Variants in SLC14A1 observed in about 807,000 individuals in gnomAD.
SLC14A1 encodes urea transporter 1.
SLC14A1 carries 36 observed loss-of-function variants against 39.6 expected under a neutral mutation model. That is an observed-to-expected ratio of 0.91 (90% CI 0.70 to 1.20). The LOEUF is 1.20. SLC14A1 is among the 50% of genes most tolerant of loss of function. The pLI is 0.00. For synonymous variants in SLC14A1, 164 were observed against 173.6 expected (o/e 0.94, Z 0.43); for missense variants, 469 against 478.7 (o/e 0.98, Z 0.19).
intron 6 of SLC14A1, among the ~76,000 whole-genome samples, chr18:45,738,118 A>G (rs2047251680): frequency 6.6e-6 from 1 of 152,220 alleles, no homozygotes; most frequent in South Asian, 2.1e-4. Context: ...GGTAGAGTCA[A>G]ACTCACACTA....
Position 45,750,984 on chromosome 18 carries a change from T to A in SLC14A1, c.*1033T>A, listed in dbSNP as rs1027535296. 1.0e-6 allele frequency: 1 copy of A among 985,046 alleles called. No homozygotes were observed. The highest frequency in any genetic ancestry group is 6.1e-5 in the Admixed American group (1 of 16,266). 61.0% of individuals were successfully genotyped at this position (985,046 alleles called of 1,614,324 possible). ...GTTGAATTCCTTAATTTAAAAAAGCTCATTATTTTTTGCACACTCACAATA... is the reference window on the plus strand; with the variant it reads ...GTTGAATTCCTTAATTTAAAAAAGCACATTATTTTTTGCACACTCACAATA... On this transcript the variant is annotated 3_prime_UTR_variant, in exon 10 of 10. Coordinates refer to ENST00000321925, the MANE Select transcript of SLC14A1 (RefSeq NM_015865.7).
chr18:45,750,062 T>A lies in SLC14A1; in HGVS notation c.*111T>A, dbSNP rs189473094. 527 of 1,604,146 alleles carry A rather than the reference T, an allele frequency of 3.3e-4. No homozygotes were observed. In the African/African-American group the frequency reaches 6.4e-3, roughly 19 times the overall value. ...TTTTCACGAGTATCAACTTTCATAC[T>A]GACGCGTCTGTAATCTGTTCTTATG... On this transcript the variant is annotated 3_prime_UTR_variant, in exon 10 of 10. Transcript: ENST00000321925.
At chr18:45,736,728 C>T (rs1033341805) in intron 6 of SLC14A1, 80 bp downstream of exon 6, 50 of 1,240,872 alleles carry the variant, frequency 4.0e-5, no homozygotes, top group Non-Finnish European at 5.2e-5. Flanking sequence ...CCACGGGTGT[C>T]AGAGTCTCCT....
rs1009010649 is a variant in SLC14A1, at chr18:45,750,905, T to C, written c.*954T>C. On this transcript the variant is annotated 3_prime_UTR_variant, in exon 10 of 10. Coordinates refer to ENST00000321925, the MANE Select transcript of SLC14A1 (RefSeq NM_015865.7). ...ATTTTTTATTCATTTGAGGATGTCTTATAAAGACTGAAGGCAAAGGTCAGA... is the reference window on the plus strand; with the variant it reads ...ATTTTTTATTCATTTGAGGATGTCTCATAAAGACTGAAGGCAAAGGTCAGA... The C allele has an allele frequency of 2.0e-6, 2 of 985,108 alleles. No individual in the cohort carries two copies. Among genetic ancestry groups the C allele is most frequent in the East Asian group, 1.1e-4 (1 of 8,832 alleles). The allele number at this position is 985,108 out of a possible 1,614,324, so 61.0% of individuals were successfully genotyped here. A position where few individuals can be genotyped will look rare whatever the true frequency, so the allele number is the denominator to read the frequency against.
chr18:45,742,741 G>A (rs28897970), intron 8 of SLC14A1, among the ~76,000 whole-genome samples: 4,814 of 151,314 alleles, frequency 0.032, 256 homozygotes, highest in African/African-American at 0.11. Flanking sequence ...GCAGTGGCAC[G>A]ATCTCAGCTC....
intron 8 of SLC14A1, among the ~76,000 whole-genome samples, chr18:45,743,216 T>G (rs939105995): frequency 6.6e-6 from 1 of 152,230 alleles, no homozygotes; most frequent in Non-Finnish European, 1.5e-5. Flanking sequence ...TAAGGATCCT[T>G]GTGATTACAT....
intron 2 of SLC14A1, among the ~76,000 whole-genome samples, chr18:45,727,973 G>A (rs1431371260): frequency 6.6e-6 from 1 of 152,186 alleles, no homozygotes; most frequent in Non-Finnish European, 1.5e-5. Flanking sequence ...CAGCTGTTCA[G>A]AATAAATGGT....
chr18:45,748,669 G>A (rs2282616), intron 9 of SLC14A1, among the ~76,000 whole-genome samples: 93,282 of 152,064 alleles, frequency 0.61, 29,318 homozygotes, highest in East Asian at 0.93. Flanking sequence ...AAAATGAAAC[G>A]TAGGTTGTAT....
chr18:45,742,799 TC>T (rs2047424796), intron 8 of SLC14A1, among the ~76,000 whole-genome samples: 1 of 149,172 alleles, frequency 6.7e-6, no homozygotes, highest in African/African-American at 2.6e-5. Context: ...TTCTTCTGCC[TC>T]AGCCTCCCCA....
intron 2 of SLC14A1, chr18:45,729,770 C>A (rs1435961254): frequency 6.6e-6 from 1 of 152,180 alleles, no homozygotes; most frequent in Non-Finnish European, 1.5e-5. Flanking sequence ...AAATTTCTTC[C>A]CTTTCAATCT....
At chr18:45,740,136 G>A (rs531526462) in intron 8 of SLC14A1, among the ~76,000 whole-genome samples, 1 of 152,340 alleles carries the variant, frequency 6.6e-6, no homozygotes, top group Non-Finnish European at 1.5e-5. Context: ...TCCCACTGGG[G>A]ATGGCAAGGA....
At chr18:45,746,436 G>C (rs747532667) in intron 8 of SLC14A1, among the ~76,000 whole-genome samples, 1 of 152,166 alleles carries the variant, frequency 6.6e-6, no homozygotes, top group Non-Finnish European at 1.5e-5. Context: ...CTTTGAATTG[G>C]AGATCACTTC....
intron 8 of SLC14A1, among the ~76,000 whole-genome samples, chr18:45,744,468 C>G (rs1416135266): frequency 6.6e-6 from 1 of 152,088 alleles, no homozygotes; most frequent in African/African-American, 2.4e-5. Flanking sequence ...GAAAGTTGTC[C>G]TCAAAGACTA....
intron 2 of SLC14A1, among the ~76,000 whole-genome samples, chr18:45,726,457 TTC>T (rs2046864981): frequency 6.6e-6 from 1 of 152,190 alleles, no homozygotes. Flanking sequence ...ATTTGTGGAA[TTC>T]AACTAAAAAC....
chr18:45,733,050 C>A (rs1439046888), intron 4 of SLC14A1, among the ~76,000 whole-genome samples: 2 of 152,192 alleles, frequency 1.3e-5, no homozygotes, highest in Non-Finnish European at 2.9e-5. Context: ...GAGCTAAACA[C>A]TGGGTAAACA....
chr18:45,732,280 A>G (rs1350678462), intron 4 of SLC14A1, among the ~76,000 whole-genome samples: 1 of 152,228 alleles, frequency 6.6e-6, no homozygotes, highest in African/African-American at 2.4e-5. Flanking sequence ...TTAAGTAAAT[A>G]TATGTCTTCC....
Position 45,751,799 on chromosome 18 carries a change from A to C in SLC14A1, c.*1848A>C. 2.3e-6 allele frequency: 2 copies of C among 854,592 alleles called. No individual in the cohort carries two copies. The highest frequency in any genetic ancestry group is 2.8e-6 in the Non-Finnish European group (2 of 711,418). 52.9% of individuals were successfully genotyped at this position (854,592 alleles called of 1,614,324 possible). A position where few individuals can be genotyped will look rare whatever the true frequency, so the allele number is the denominator to read the frequency against. On this transcript the variant is annotated 3_prime_UTR_variant, in exon 10 of 10. Transcript: ENST00000321925. ...CCTATCTCAAAAAAATTAATTAATT[A>C]ATTAATTAATTAATTTAAAAAGGAA... is the stretch of plus-strand genomic sequence containing the variant.
Position 45,751,781 on chromosome 18 carries a change from C to G in SLC14A1, c.*1830C>G, listed in dbSNP as rs2047716965. 1 of 820,862 alleles carries G rather than the reference C, an allele frequency of 1.2e-6. No individual in the cohort carries two copies. Among genetic ancestry groups the G allele is most frequent in the African/African-American group, 1.9e-5 (1 of 51,618 alleles). 50.8% of individuals were successfully genotyped at this position (820,862 alleles called of 1,614,324 possible). ...TGTGTGACCGAGCAAGACCCTATCT[C>G]AAAAAAATTAATTAATTAATTAATT... On this transcript the variant is annotated 3_prime_UTR_variant, in exon 10 of 10. Transcript: ENST00000321925.
rs2046985061 is a variant in SLC14A1 at position 45,730,151 on chromosome 18, CTCTGTGG to C, written c.-21-147_-21-141del. On this transcript the variant is annotated intron_variant, in intron 2 of 9. Coordinates refer to ENST00000321925, the MANE Select transcript of SLC14A1 (RefSeq NM_015865.7). Reference sequence around the variant, plus strand: ...GTGGGATTTGGGTTTGGCTAATAAGCTCTGTGGTGGTGTTTCAGAAGGAAAATGGTGC... The same window carrying C: ...GTGGGATTTGGGTTTGGCTAATAAGCTGGTGTTTCAGAAGGAAAATGGTGC... 2.7e-5 allele frequency: 21 copies of C among 768,550 alleles called. No individual in the cohort carries two copies. In the South Asian group the frequency reaches 4.9e-4, roughly 18 times the overall value. The allele number at this position is 768,550 out of a possible 1,614,324, so 47.6% of individuals were successfully genotyped here.
Sources: allele counts gnomAD v4.1 joint callset (sites outside exome capture counted in the v4.1 genomes callset), GRCh38; gene constraint gnomAD v4.1.1; transcripts MANE v1.5; gene names NCBI Gene and HGNC (gene_info 2026-07-23, HGNC 2026-07-21).